Variants in MTMR7 observed in about 807,000 individuals in gnomAD.
MTMR7 encodes myotubularin related protein 7.
In MTMR7, 76 loss-of-function variants were observed where a neutral mutation model predicts 81.2. The ratio of observed to expected loss-of-function variants is 0.94; its 90% confidence interval spans 0.78 to 1.13. The LOEUF (loss-of-function observed/expected upper bound fraction) is 1.13, where lower values mean the gene tolerates loss of function less well. MTMR7 is among the 50% of genes most tolerant of loss of function. The pLI, the probability that MTMR7 is intolerant of heterozygous loss-of-function variation, is 0.00. For missense variants in MTMR7, 1,044 were observed against 820.0 expected, an observed-to-expected ratio of 1.27 and a Z score of -3.34; for synonymous variants, 372 against 289.8, an observed-to-expected ratio of 1.28 and a Z score of -2.88.
chr8:17,299,952 G>A lies in MTMR7; in HGVS notation c.1893C>T (p.Ser631=). 1.2e-6 allele frequency: 2 copies of A among 1,614,122 alleles called. No individual in the cohort carries two copies. The highest frequency in any genetic ancestry group is 1.7e-6 in the Non-Finnish European group (2 of 1,180,008). The change falls in exon 14 of 14, where the codon AGC becomes AGT. Residue 631 remains serine, a synonymous_variant. Coordinates refer to ENST00000180173, the MANE Select transcript of MTMR7 (RefSeq NM_004686.5). ...GCTCACCACCACTTGGAGACCGACA[G>A]CTCAAATCCTCCACCCCGGACTCTT... is the stretch of plus-strand genomic sequence containing the variant. ...SDQESGVEDL[S]CRSPSGGEHA...
At chr8:17,402,903 C>A (rs997848374) in intron 1 of MTMR7, among the ~76,000 whole-genome samples, 3 of 152,192 alleles carry the variant, frequency 2.0e-5, no homozygotes, top group African/African-American at 7.2e-5. Context: ...TCCTTGCCAG[C>A]ATTTGTTATT....
chr8:17,336,994 T>G (rs1214131418), intron 6 of MTMR7, among the ~76,000 whole-genome samples: 1 of 152,166 alleles, frequency 6.6e-6, no homozygotes, highest in Non-Finnish European at 1.5e-5. Context: ...CTTAACCTCT[T>G]TAAGTTCTAG....
At chr8:17,399,475 A>G (rs1821358138) in intron 1 of MTMR7, among the ~76,000 whole-genome samples, 1 of 152,188 alleles carries the variant, frequency 6.6e-6, no homozygotes, top group Admixed American at 6.5e-5. Flanking sequence ...GAAAGAAATT[A>G]AAGAGGACAC....
intron 1 of MTMR7, among the ~76,000 whole-genome samples, chr8:17,405,835 TACACACACACAC>T (rs36233628): frequency 0.047 from 5,626 of 120,942 alleles, 286 homozygotes; most frequent in African/African-American, 0.13. Context: ...CCCAAAACTA[TACACACACACAC>T]ACACACACAC....
At chr8:17,380,486 C>T (rs1184794903) in intron 1 of MTMR7, among the ~76,000 whole-genome samples, 6 of 151,858 alleles carry the variant, frequency 4.0e-5, no homozygotes, top group Non-Finnish European at 5.9e-5. Context: ...TCCAACCTTT[C>T]GGCTTCCCTG....
At chr8:17,413,192 T>C in intron 1 of MTMR7, 77 bp downstream of exon 1, 1 of 1,494,786 alleles carries the variant, frequency 6.7e-7, no homozygotes, top group African/African-American at 1.4e-5. Context: ...GCAGTCGGCC[T>C]CCCGCGCGCT....
chr8:17,391,315 T>G lies in MTMR7; in HGVS notation c.25-18075A>C, dbSNP rs115761142. ...GGGTGGCAGGATCTGGGAAAAAATC[T>G]TTTAAAAATGGGAGATTTTCCAAAA... On this transcript the variant is annotated intron_variant, in intron 1 of 13. Coordinates refer to ENST00000180173, the MANE Select transcript of MTMR7 (RefSeq NM_004686.5). Among the ~76,000 whole-genome samples the G allele has an allele frequency of 2.0e-5, 3 of 152,260 alleles. No homozygotes were observed. The East Asian group carries it at 5.8e-4, about 29-fold the overall frequency.
intron 12 of MTMR7, among the ~76,000 whole-genome samples, chr8:17,302,590 T>C (rs1487820873): frequency 1.3e-5 from 2 of 151,642 alleles, no homozygotes; most frequent in East Asian, 3.9e-4. Flanking sequence ...GCTCTTAGTT[T>C]TGAACTTTGA....
intron 6 of MTMR7, among the ~76,000 whole-genome samples, chr8:17,338,552 T>G (rs1190018570): frequency 6.6e-6 from 1 of 152,106 alleles, no homozygotes; most frequent in Non-Finnish European, 1.5e-5. Context: ...ATTAGGAAAT[T>G]CAAAACAGCC....
intron 7 of MTMR7, among the ~76,000 whole-genome samples, chr8:17,320,241 C>G (rs1017779431): frequency 1.3e-5 from 2 of 152,224 alleles, no homozygotes; most frequent in East Asian, 3.9e-4. Context: ...CATTTTACTT[C>G]TATGCACAGT....
In MTMR7 at chr8:17,299,240, T is replaced by C. The variant is rs763898778; in HGVS notation, c.*622A>G. On this transcript the variant is annotated 3_prime_UTR_variant, in exon 14 of 14. Transcript: ENST00000180173. ...TTAAATAATGAGGAGAAACAGACTA[T>C]AGATCTCAGAGAAAAGCAACAAAAT... 5 of 152,382 alleles carry C rather than the reference T, an allele frequency of 3.3e-5. No homozygotes were observed. The East Asian group carries it at 5.8e-4, about 18-fold the overall frequency. The allele number at this position is 152,382 out of a possible 1,614,324, so 9.4% of individuals were successfully genotyped here. A position where few individuals can be genotyped will look rare whatever the true frequency, so the allele number is the denominator to read the frequency against.
intron 1 of MTMR7, among the ~76,000 whole-genome samples, chr8:17,398,645 G>T (rs1011627372): frequency 6.6e-6 from 1 of 152,218 alleles, no homozygotes; most frequent in Admixed American, 6.5e-5. Context: ...TATTCAAAGC[G>T]ATAACCACAA....
At chr8:17,365,990 T>C (rs1820213034) in intron 3 of MTMR7, among the ~76,000 whole-genome samples, 1 of 152,166 alleles carries the variant, frequency 6.6e-6, no homozygotes, top group African/African-American at 2.4e-5. Flanking sequence ...GTGTTCATTG[T>C]GCTCCCCTTA....
intron 1 of MTMR7, among the ~76,000 whole-genome samples, chr8:17,408,923 C>T (rs565372502): frequency 7.4e-4 from 113 of 152,204 alleles, no homozygotes; most frequent in African/African-American, 2.7e-3. Context: ...TGTAAATATA[C>T]TAAAACCACT....
At chr8:17,324,255 C>A (rs565679119) in intron 7 of MTMR7, among the ~76,000 whole-genome samples, 1 of 152,234 alleles carries the variant, frequency 6.6e-6, no homozygotes, top group African/African-American at 2.4e-5. Flanking sequence ...CAGTAACTGT[C>A]TGATGAATAG....
chr8:17,396,835 G>C (rs1473330576), intron 1 of MTMR7, among the ~76,000 whole-genome samples: 1 of 151,708 alleles, frequency 6.6e-6, no homozygotes. Flanking sequence ...GAGGAGAGGA[G>C]AGCAAAGAGT....
chr8:17,370,189 G>C (rs947865063), intron 3 of MTMR7, among the ~76,000 whole-genome samples: 26 of 150,838 alleles, frequency 1.7e-4, no homozygotes, highest in African/African-American at 6.1e-4. Context: ...ACTGATGCTA[G>C]TCTAGTTGTA....
At chr8:17,357,290 A>G (rs919887318) in intron 4 of MTMR7, among the ~76,000 whole-genome samples, 2 of 152,224 alleles carry the variant, frequency 1.3e-5, no homozygotes, top group African/African-American at 4.8e-5. Flanking sequence ...ATATTTGCTA[A>G]CATTTATCAA....
At position 17,297,303 on chromosome 8, in the gene MTMR7, G is replaced by T. The variant is rs1816739611; in HGVS notation, c.*2559C>A. The T allele has an allele frequency of 6.6e-6, 1 of 152,060 alleles. No individual in the cohort carries two copies. 9.4% of individuals were successfully genotyped at this position (152,060 alleles called of 1,614,324 possible). ...CAATCAGTGAGATATAAACTAAACA[G>T]ACCCACTTCAAAGTTGAAAGAAATT... On this transcript the variant is annotated 3_prime_UTR_variant, in exon 14 of 14. Coordinates refer to ENST00000180173, the MANE Select transcript of MTMR7 (RefSeq NM_004686.5).
Sources: gnomAD v4.1 joint callset for allele counts (sites outside exome capture counted in the v4.1 genomes callset) on GRCh38, gnomAD v4.1.1 for gene constraint, MANE v1.5 for transcripts, NCBI Gene and HGNC (gene_info 2026-07-23, HGNC 2026-07-21) for gene names.